SMYD3: variants seen among roughly 807,000 people sequenced by gnomAD.
SMYD3 encodes the protein histone-lysine N-methyltransferase SMYD3.
Under a neutral mutation model 57.7 loss-of-function variants are expected in SMYD3, and 36 were observed. The ratio of observed to expected loss-of-function variants is 0.62; its 90% confidence interval spans 0.48 to 0.82. SMYD3 has a LOEUF of 0.82. Among genes scored for constraint, SMYD3 ranks in the 40% least tolerant of loss-of-function variants. SMYD3 has a pLI of 0.00. For synonymous variants in SMYD3, 211 were observed against 195.0 expected (o/e 1.08, Z -0.68); for missense variants, 515 against 538.8 (o/e 0.96, Z 0.44).
chr1:245,805,215 A>C (rs969653425), intron 10 of SMYD3, among the ~76,000 whole-genome samples: 3 of 152,190 alleles, frequency 2.0e-5, no homozygotes, highest in Non-Finnish European at 4.4e-5. Context: ...ACTAATGCAG[A>C]GAAGGGAAGA....
At chr1:246,223,671 G>C (rs2063287972) in intron 5 of SMYD3, among the ~76,000 whole-genome samples, 1 of 151,898 alleles carries the variant, frequency 6.6e-6, no homozygotes, top group South Asian at 2.1e-4. Flanking sequence ...CTATACTATT[G>C]GTATTGAAGG....
intron 5 of SMYD3, among the ~76,000 whole-genome samples, chr1:246,230,736 A>G (rs866616221): frequency 6.6e-6 from 1 of 152,192 alleles, no homozygotes; most frequent in South Asian, 2.1e-4. Flanking sequence ...CAATGATACA[A>G]TCTTTTCTAT....
chr1:246,310,133 A>G (rs1339529772), intron 5 of SMYD3, among the ~76,000 whole-genome samples: 2 of 152,202 alleles, frequency 1.3e-5, no homozygotes, highest in Non-Finnish European at 2.9e-5. Context: ...TATGTTTATC[A>G]TTTTGCTATA....
intron 7 of SMYD3, among the ~76,000 whole-genome samples, chr1:245,919,419 A>G (rs2055697493): frequency 6.6e-6 from 1 of 152,106 alleles, no homozygotes; most frequent in Non-Finnish European, 1.5e-5. Flanking sequence ...CCTCTCCTCC[A>G]CACTCAGCCT....
At chr1:245,890,903 C>T (rs762599436) in intron 8 of SMYD3, among the ~76,000 whole-genome samples, 2 of 152,198 alleles carry the variant, frequency 1.3e-5, no homozygotes, top group Non-Finnish European at 2.9e-5. Flanking sequence ...AGAATGAGAT[C>T]CTATCACTTG....
At chr1:245,830,326 G>A (rs114516689) in intron 10 of SMYD3, among the ~76,000 whole-genome samples, 1,683 of 152,262 alleles carry the variant, frequency 0.011, 14 homozygotes, top group Non-Finnish European at 0.018. Context: ...GCAAAGGCAC[G>A]TCCTACATGG....
intron 5 of SMYD3, chr1:246,035,224 A>G (rs1279233086): frequency 6.6e-6 from 1 of 152,240 alleles, no homozygotes; most frequent in Non-Finnish European, 1.5e-5. Context: ...TTCAGCAATC[A>G]AAACCTGGCA....
chr1:245,939,246 T>C (rs566124074), intron 5 of SMYD3, among the ~76,000 whole-genome samples: 14 of 152,294 alleles, frequency 9.2e-5, no homozygotes, highest in African/African-American at 2.9e-4. Context: ...GTAATGGACA[T>C]TGCTGAAAAT....
chr1:245,910,791 A>G (rs903227914), intron 8 of SMYD3, among the ~76,000 whole-genome samples: 2 of 152,158 alleles, frequency 1.3e-5, no homozygotes, highest in Non-Finnish European at 2.9e-5. Flanking sequence ...TAAAACCATG[A>G]AACTACTATA....
At chr1:245,887,834 A>G (rs1370943129) in intron 8 of SMYD3, among the ~76,000 whole-genome samples, 1 of 152,176 alleles carries the variant, frequency 6.6e-6, no homozygotes, top group Non-Finnish European at 1.5e-5. Flanking sequence ...TATATGTCTC[A>G]CATCATGAAA....
intron 5 of SMYD3, among the ~76,000 whole-genome samples, chr1:245,955,132 C>T (rs2057790406): frequency 6.6e-6 from 1 of 152,172 alleles, no homozygotes; most frequent in African/African-American, 2.4e-5. Flanking sequence ...CGCTCTGTCG[C>T]CCAGGCTGGA....
intron 10 of SMYD3, among the ~76,000 whole-genome samples, chr1:245,807,847 A>C (rs899666614): frequency 1.8e-4 from 27 of 151,316 alleles, no homozygotes; most frequent in African/African-American, 6.6e-4. Flanking sequence ...AAAAAACAGA[A>C]GCAATCTACA....
At chr1:245,858,781 C>T (rs2051386271) in intron 9 of SMYD3, 111 bp from the exon 10 acceptor site, 5 of 1,121,944 alleles carry the variant, frequency 4.5e-6, no homozygotes, top group Non-Finnish European at 6.3e-6. Flanking sequence ...AGGGAAGCAC[C>T]CGTTATTTTT....
intron 5 of SMYD3, among the ~76,000 whole-genome samples, chr1:246,230,501 G>A (rs920625035): frequency 6.6e-6 from 1 of 152,160 alleles, no homozygotes; most frequent in Non-Finnish European, 1.5e-5. Context: ...TGCCAACTCT[G>A]GAGAGATCCA....
Position 246,090,618 on chromosome 1 carries a change from A to G in SMYD3, c.532-160681T>C, listed in dbSNP as rs140275433. Among the ~76,000 whole-genome samples, 254 of 151,624 alleles carry G rather than the reference A, an allele frequency of 1.7e-3. 1 individual carries two copies. The highest frequency in any genetic ancestry group is 5.8e-3 in the African/African-American group (240 of 41,296). ...CTGCAACCCCCATCTCCCAGGTTCA[A>G]GTGGTTCTCCTGCCTCAGCCTCCTG... On this transcript the variant is annotated intron_variant, in intron 5 of 11. Transcript: ENST00000490107.
intron 5 of SMYD3, among the ~76,000 whole-genome samples, chr1:246,216,410 T>G (rs1558322308): frequency 6.6e-6 from 1 of 152,026 alleles, no homozygotes; most frequent in Non-Finnish European, 1.5e-5. Context: ...ATCTTCTAAA[T>G]GCATCAGTAC....
At chr1:245,878,546 T>C (rs562779433) in intron 8 of SMYD3, among the ~76,000 whole-genome samples, 9 of 152,228 alleles carry the variant, frequency 5.9e-5, no homozygotes, top group Non-Finnish European at 1.0e-4. Flanking sequence ...ATGGGCTTTA[T>C]GTCTGATGGA....
At chr1:246,386,079 AG>A (rs2148760204) in intron 1 of SMYD3, among the ~76,000 whole-genome samples, 1 of 152,216 alleles carries the variant, frequency 6.6e-6, no homozygotes, top group South Asian at 2.1e-4. Context: ...TAGTAGAGAC[AG>A]GGTTTCACCG....
Position 245,915,639 on chromosome 1 carries a change from A to G in SMYD3, c.704T>C (p.Leu235Pro). The G allele has an allele frequency of 6.2e-7, 1 of 1,609,758 alleles. No homozygotes were observed. Among genetic ancestry groups the G allele is most frequent in the South Asian group, 1.1e-5 (1 of 90,932 alleles). Residue 235 changes from leucine (L) to proline (P), a missense_variant and splice_region_variant, in exon 8 of 12, where the codon CTC becomes CCC. Leu to Pro is a moderately conservative substitution (Grantham distance 98). Coordinates refer to ENST00000490107, the MANE Select transcript of SMYD3 (RefSeq NM_001167740.2). ...AVRDIEVGEE[L>P]TICYLDMLMT... ...CAGCATATCCAGGTAGCAGATGGTGAGCTGTGCAGGCCAGAGAGAGGGAAG... is the reference window on the plus strand; with the variant it reads ...CAGCATATCCAGGTAGCAGATGGTGGGCTGTGCAGGCCAGAGAGAGGGAAG...
Sources: gnomAD v4.1 joint callset for allele counts (sites outside exome capture counted in the v4.1 genomes callset) on GRCh38, gnomAD v4.1.1 for gene constraint, MANE v1.5 for transcripts, NCBI Gene and HGNC (gene_info 2026-07-23, HGNC 2026-07-21) for gene names.